Variants in ARL10 observed in about 807,000 individuals in gnomAD.
The protein encoded by ARL10 is ARF like GTPase 10, also known as ADP-ribosylation factor-like protein 10.
In ARL10, 23 loss-of-function variants were observed where a neutral mutation model predicts 26.1. That is an observed-to-expected ratio of 0.88 (90% CI 0.63 to 1.25). The LOEUF is 1.25. Among genes scored for constraint, ARL10 ranks in the 50% most tolerant of loss-of-function variants. The pLI, the probability that ARL10 is intolerant of heterozygous loss-of-function variation, is 0.00. For missense variants in ARL10, 300 were observed against 323.6 expected, an observed-to-expected ratio of 0.93 and a Z score of 0.56; for synonymous variants, 138 against 149.1, an observed-to-expected ratio of 0.93 and a Z score of 0.54.
downstream of ARL10, chr5:176,385,026 C>T (rs969568952): frequency 1.4e-5 from 8 of 592,130 alleles, no homozygotes; most frequent in African/African-American, 1.1e-4. Context: ...AGACTGGAAC[C>T]AAGGTCACTC....
downstream of ARL10, chr5:176,406,788 T>C (rs1468233321): frequency 9.0e-7 from 1 of 1,110,310 alleles, no homozygotes; most frequent in East Asian, 6.2e-5. Flanking sequence ...AGGCCAAGGT[T>C]TCTCCTCCCC....
chr5:176,400,201 A>C (rs938382410), intron 1 of ARL10, among the ~76,000 whole-genome samples: 2 of 151,976 alleles, frequency 1.3e-5, no homozygotes, highest in Non-Finnish European at 2.9e-5. Context: ...CTATCTCAAA[A>C]AAAAAAAGAA....
At chr5:176,388,618 G>A (rs1756094984) in exon 2 of ARL10, 8 of 1,416,894 alleles carry the variant, frequency 5.6e-6, no homozygotes, top group Admixed American at 1.8e-5. Context: ...CTTCCGGAAG[G>A]CGTGCACAAG....
At chr5:176,383,950 A>G, downstream of ARL10, 1 of 1,488,838 alleles carries the variant, frequency 6.7e-7, no homozygotes, top group Non-Finnish European at 8.9e-7. Flanking sequence ...GAGAAGTAAA[A>G]TATATTTGCT....
intron 1 of ARL10, among the ~76,000 whole-genome samples, 162 bp from the exon 2 acceptor site, chr5:176,366,218 T>C (rs1768294239): frequency 6.6e-6 from 1 of 152,136 alleles, no homozygotes; most frequent in Non-Finnish European, 1.5e-5. Flanking sequence ...GGTTTGGAAT[T>C]CAGGACTGCA....
At chr5:176,389,242 A>G, downstream of ARL10, 1 of 1,450,282 alleles carries the variant, frequency 6.9e-7, no homozygotes, top group Non-Finnish European at 9.4e-7. Flanking sequence ...TGATCCAGAG[A>G]TCTTGGCTTT....
chr5:176,410,757 C>T, the ARL10 span, among the ~76,000 whole-genome samples: 5 of 117,786 alleles, frequency 4.2e-5, no homozygotes, highest in African/African-American at 1.1e-4. Flanking sequence ...GAGGGGCCTA[C>T]GCGTCTCTGC....
chr5:176,371,255 G>A (rs138388984), intron 3 of ARL10, among the ~76,000 whole-genome samples: 2,669 of 152,244 alleles, frequency 0.018, 26 homozygotes, highest in Non-Finnish European at 0.027. Context: ...CACACCTGTA[G>A]TCCCAGCTAC....
intron 1 of ARL10, among the ~76,000 whole-genome samples, chr5:176,397,369 CCT>C (rs1241773991): frequency 7.0e-6 from 1 of 142,850 alleles, no homozygotes; most frequent in Non-Finnish European, 1.5e-5. Flanking sequence ...CCCACAGCTC[CCT>C]CTCATGTCCC....
chr5:176,401,756 C>G (rs1756829073), exon 2 of ARL10: 1 of 456,270 alleles, frequency 2.2e-6, no homozygotes, highest in Non-Finnish European at 4.4e-6. Context: ...AAAATGAAAA[C>G]AGCGACACTG....
chr5:176,366,639 T>C, intron 2 of ARL10, 58 bp downstream of exon 2: 1 of 1,584,634 alleles, frequency 6.3e-7, no homozygotes, highest in East Asian at 2.2e-5. Context: ...TCCTGGATTC[T>C]CTGCAGGGAA....
At chr5:176,369,033 G>A (rs1332746712) in intron 3 of ARL10, 51 bp downstream of exon 3, 1 of 1,603,106 alleles carries the variant, frequency 6.2e-7, no homozygotes, top group Non-Finnish European at 8.5e-7. Flanking sequence ...ACTCAGAGAT[G>A]CTTGGGCAGG....
At chr5:176,389,989 C>G (rs1756195889), downstream of ARL10, among the ~76,000 whole-genome samples, 1 of 151,964 alleles carries the variant, frequency 6.6e-6, no homozygotes, top group African/African-American at 2.4e-5. Context: ...TCAAGACCAG[C>G]CTGACCAACA....
the ARL10 span, among the ~76,000 whole-genome samples, chr5:176,411,921 A>C: frequency 3.3e-5 from 5 of 152,240 alleles, no homozygotes; most frequent in South Asian, 8.3e-4. Flanking sequence ...TTATGCCTGT[A>C]ATCCCAGCAC....
intron 2 of ARL10, 87 bp downstream of exon 2, chr5:176,366,668 T>C: frequency 2.1e-6 from 3 of 1,457,774 alleles, no homozygotes; most frequent in South Asian, 2.5e-5. Context: ...CCAAAATGCA[T>C]GTCTAAGCAG....
At position 176,388,552 on chromosome 5, in the gene ARL10, C is replaced by T; in HGVS notation, c.*54C>T. 1.9e-6 allele frequency: 3 copies of T among 1,601,934 alleles called. No individual in the cohort carries two copies. The South Asian group carries it at 3.3e-5, about 18-fold the overall frequency. On this transcript the variant is annotated 3_prime_UTR_variant, in exon 2 of 2. Transcript: ENST00000503175. ...TGGCCTTGGGCATCGCGCTGACCACCGCACCAGCAGCTCAAACACGCTGCC... is the reference window on the plus strand; with the variant it reads ...TGGCCTTGGGCATCGCGCTGACCACTGCACCAGCAGCTCAAACACGCTGCC...
chr5:176,413,681 G>C, the ARL10 span, among the ~76,000 whole-genome samples: 1 of 152,186 alleles, frequency 6.6e-6, no homozygotes, highest in African/African-American at 2.4e-5. Flanking sequence ...CTTTTTCTCT[G>C]CCCCATCCAG....
chr5:176,409,293 GAA>G, the ARL10 span, among the ~76,000 whole-genome samples: 28,124 of 102,904 alleles, frequency 0.27, 2,716 homozygotes, highest in South Asian at 0.34. Context: ...TTTTAAAATT[GAA>G]AAAAAAAAAA....
At chr5:176,406,683 A>G, downstream of ARL10, 1 of 1,288,890 alleles carries the variant, frequency 7.8e-7, no homozygotes, top group Non-Finnish European at 1.0e-6. Context: ...CTGGGTTTGT[A>G]GCTGGACCCG....
Sources: allele counts gnomAD v4.1 joint callset (sites outside exome capture counted in the v4.1 genomes callset), GRCh38; gene constraint gnomAD v4.1.1; transcripts MANE v1.5; gene names NCBI Gene and HGNC (gene_info 2026-07-23, HGNC 2026-07-21).